The following DOLPP1 variants were observed in gnomAD, a reference collection of about 807,000 sequenced individuals.
The protein encoded by DOLPP1 is dolichyl pyrophosphate phosphatase 1.
In DOLPP1, 15 loss-of-function variants were observed where a neutral mutation model predicts 34.1. That is an observed-to-expected ratio of 0.44 (90% CI 0.29 to 0.68). DOLPP1 has a LOEUF of 0.68. DOLPP1 is among the 30% of genes least tolerant of loss of function. DOLPP1 has a pLI of 0.12. For missense variants in DOLPP1, 249 were observed against 307.1 expected, an observed-to-expected ratio of 0.81 and a Z score of 1.41; for synonymous variants, 130 against 128.2, an observed-to-expected ratio of 1.01 and a Z score of -0.10.
chr9:129,089,029 A>ACTG lies in DOLPP1; in HGVS notation c.*22_*23insCTG. ...GTGACCAGTGGGTGTGGCTGGGTCCAGCCTCCAGATCTGGCCCGCACGATG... is the reference window on the plus strand; with the variant it reads ...GTGACCAGTGGGTGTGGCTGGGTCCACTGGCCTCCAGATCTGGCCCGCACGATG... On this transcript the variant is annotated 3_prime_UTR_variant, in exon 8 of 8. Coordinates refer to ENST00000372546, the MANE Select transcript of DOLPP1 (RefSeq NM_020438.5). The surrounding 1 kb of genome is among the most constrained non-coding windows in gnomAD (Gnocchi z 4.9). 6.2e-7 allele frequency: 1 copy of ACTG among 1,613,694 alleles called. No individual in the cohort carries two copies. The highest frequency in any genetic ancestry group is 1.7e-4 in the Middle Eastern group (1 of 6,060).
chr9:129,081,582 G>C (rs1459773936), intron 1 of DOLPP1, among the ~76,000 whole-genome samples: 1 of 152,240 alleles, frequency 6.6e-6, no homozygotes, highest in Non-Finnish European at 1.5e-5. Flanking sequence ...TCCTGTTCCA[G>C]CGTGCAGGGA....
chr9:129,085,409 G>T lies in DOLPP1; in HGVS notation c.362+103G>T. 2 of 1,493,800 alleles carry T rather than the reference G, an allele frequency of 1.3e-6. No homozygotes were observed. Among genetic ancestry groups the T allele is most frequent in the Non-Finnish European group, 1.9e-6 (2 of 1,075,292 alleles). 92.5% of individuals were successfully genotyped at this position (1,493,800 alleles called of 1,614,324 possible). ...GGATGCCCCTGGGGTGGGAGGGGCT[G>T]CAGCGGAGGCAGAAGGTACCCAGGG... On this transcript the variant is annotated intron_variant, in intron 4 of 7. Coordinates refer to ENST00000372546, the MANE Select transcript of DOLPP1 (RefSeq NM_020438.5). This position sits in a 1 kb window ranked among gnomAD's most constrained non-coding sequence, Gnocchi z 7.0.
In DOLPP1 at chr9:129,090,138, T is replaced by C. The variant is rs1220777702; in HGVS notation, c.*1131T>C. ...AGTTTTGAGGACTGAACTGGGTCAC[T>C]CGGGATCTGTGTTCGAATCCTCCCC... On this transcript the variant is annotated 3_prime_UTR_variant, in exon 8 of 8. Transcript: ENST00000372546. 1 of 152,634 alleles carries C rather than the reference T, an allele frequency of 6.6e-6. No individual in the cohort carries two copies. Among genetic ancestry groups the C allele is most frequent in the Non-Finnish European group, 1.5e-5 (1 of 68,024 alleles). 9.5% of individuals were successfully genotyped at this position (152,634 alleles called of 1,614,324 possible). A position where few individuals can be genotyped will look rare whatever the true frequency, so the allele number is the denominator to read the frequency against.
In DOLPP1 at chr9:129,085,235, C is replaced by T. The variant is rs375808768; in HGVS notation, c.291C>T (p.Tyr97=). The T allele has an allele frequency of 1.3e-4, 217 of 1,614,096 alleles. 2 individuals are homozygous for T. The highest frequency in any genetic ancestry group is 4.2e-4 in the Admixed American group (25 of 60,026). Residue 97 remains tyrosine (Y), a synonymous_variant, in exon 4 of 8, where the codon TAC becomes TAT. Transcript: ENST00000372546. The surrounding 1 kb of genome is among the most constrained non-coding windows in gnomAD (Gnocchi z 7.0). ...CCCACACAGCAGTGGGCACCAAGTA[C>T]GGGATGCCCTCCAGCCATTCCCAGT... ...GGPHTAVGTK[Y]GMPSSHSQFM... is the part of the protein sequence containing the mutation.
chr9:129,089,191 A>G lies in DOLPP1; in HGVS notation c.*184A>G, dbSNP rs530545641. 5.5e-6 allele frequency: 3 copies of G among 544,960 alleles called. No individual in the cohort carries two copies. The South Asian group carries it at 7.2e-5, about 13-fold the overall frequency. The allele number at this position is 544,960 out of a possible 1,614,324, so 33.8% of individuals were successfully genotyped here. A position where few individuals can be genotyped will look rare whatever the true frequency, so the allele number is the denominator to read the frequency against. ...ACCAAAGGGCTGAACCAGCCCCTCA[A>G]CCAGGACCCTGGGGGGCCTGCTGCC... On this transcript the variant is annotated 3_prime_UTR_variant, in exon 8 of 8. Transcript: ENST00000372546. This position sits in a 1 kb window ranked among gnomAD's most constrained non-coding sequence, Gnocchi z 4.9.
At chr9:129,088,197 G>A (rs1847030370) in intron 7 of DOLPP1, among the ~76,000 whole-genome samples, 1 of 147,852 alleles carries the variant, frequency 6.8e-6, no homozygotes, top group African/African-American at 2.5e-5. Flanking sequence ...GTGTTGTGGG[G>A]GTTGGGGGAA....
At chr9:129,081,235 G>T (rs1247102744) in intron 1 of DOLPP1, 28 bp downstream of exon 1, 1 of 1,604,648 alleles carries the variant, frequency 6.2e-7, no homozygotes, top group Non-Finnish European at 8.5e-7. Context: ...CTCCAAGGAC[G>T]CCTTCCCAGG....
chr9:129,082,998 C>T lies in DOLPP1; in HGVS notation c.77-1670C>T, dbSNP rs187268248. On this transcript the variant is annotated intron_variant, in intron 1 of 7. Coordinates refer to ENST00000372546, the MANE Select transcript of DOLPP1 (RefSeq NM_020438.5). Reference sequence around the variant, plus strand: ...GGTTCTTAGTTGTTTGTTGAGTTCACCCAGAGAGCGTCCCAGGTGGGGGGA... The same window carrying T: ...GGTTCTTAGTTGTTTGTTGAGTTCATCCAGAGAGCGTCCCAGGTGGGGGGA... Among the ~76,000 whole-genome samples the T allele has an allele frequency of 3.3e-5, 5 of 152,222 alleles. No individual in the cohort carries two copies. In the South Asian group the frequency reaches 6.2e-4, roughly 19 times the overall value.
chr9:129,082,865 A>G (rs1250083389), intron 1 of DOLPP1, among the ~76,000 whole-genome samples: 1 of 152,214 alleles, frequency 6.6e-6, no homozygotes, highest in Non-Finnish European at 1.5e-5. Flanking sequence ...CTGTCCTGAT[A>G]TCTACATTAG....
At chr9:129,087,446 G>C (rs1416845587) in intron 7 of DOLPP1, among the ~76,000 whole-genome samples, 1 of 151,862 alleles carries the variant, frequency 6.6e-6, no homozygotes, top group African/African-American at 2.4e-5. Flanking sequence ...CTCCCGAGTA[G>C]CTGGGACTAC....
intron 7 of DOLPP1, 74 bp downstream of exon 7, chr9:129,086,872 C>T (rs979773862): frequency 1.7e-5 from 23 of 1,330,744 alleles, no homozygotes; most frequent in South Asian, 1.2e-4. Context: ...GAGGGCTCTC[C>T]GGGAGCCTCG....
Position 129,090,155 on chromosome 9 carries a change from A to G in DOLPP1, c.*1148A>G, listed in dbSNP as rs1466806654. ...TGGGTCACTCGGGATCTGTGTTCGA[A>G]TCCTCCCCACCCCTTTCTTTGTGGA... On this transcript the variant is annotated 3_prime_UTR_variant, in exon 8 of 8. Coordinates refer to ENST00000372546, the MANE Select transcript of DOLPP1 (RefSeq NM_020438.5). 1 of 152,570 alleles carries G rather than the reference A, an allele frequency of 6.6e-6. No homozygotes were observed. Among genetic ancestry groups the G allele is most frequent in the Non-Finnish European group, 1.5e-5 (1 of 68,034 alleles). The allele number at this position is 152,570 out of a possible 1,614,324, so 9.5% of individuals were successfully genotyped here.
At chr9:129,084,573 G>T in intron 1 of DOLPP1, 95 bp from the exon 2 acceptor site, 1 of 937,898 alleles carries the variant, frequency 1.1e-6, no homozygotes, top group South Asian at 1.3e-5. Context: ...GCCCTGCCGG[G>T]ACCTCCTTTC....
At chr9:129,082,546 C>G (rs1846909579) in intron 1 of DOLPP1, among the ~76,000 whole-genome samples, 1 of 152,172 alleles carries the variant, frequency 6.6e-6, no homozygotes, top group African/African-American at 2.4e-5. Flanking sequence ...TCACAGCTTC[C>G]CCTCCTGGCC....
Position 129,084,901 on chromosome 9 carries a change from G to T in DOLPP1, c.178-122G>T, listed in dbSNP as rs11564085. 10,336 of 1,291,422 alleles carry T rather than the reference G, an allele frequency of 8.0e-3. 667 individuals are homozygous for T. The African/African-American group carries it at 0.14, about 17-fold the overall frequency. 80.0% of individuals were successfully genotyped at this position (1,291,422 alleles called of 1,614,324 possible). A position where few individuals can be genotyped will look rare whatever the true frequency, so the allele number is the denominator to read the frequency against. ...TGTCTTGAGGTGCGTGGAGCCTCCT[G>T]GCTGGTTCTAGGTTACTCACCTGTT... On this transcript the variant is annotated intron_variant, in intron 2 of 7. Transcript: ENST00000372546.
At chr9:129,081,892 A>G (rs1846896432) in intron 1 of DOLPP1, among the ~76,000 whole-genome samples, 1 of 152,218 alleles carries the variant, frequency 6.6e-6, no homozygotes, top group Non-Finnish European at 1.5e-5. Flanking sequence ...CGTGGGGGTC[A>G]GACCCATCTG....
chr9:129,088,935 G>A lies in DOLPP1; in HGVS notation c.681-36G>A, dbSNP rs755503516. 2.5e-6 allele frequency: 4 copies of A among 1,612,044 alleles called. No individual in the cohort carries two copies. The East Asian group carries it at 8.9e-5, about 36-fold the overall frequency. ...GACAGCTGTAGGTCACTGAACACCA[G>A]ATGTCTCCACATCTGACCCCCATCC... On this transcript the variant is annotated intron_variant, in intron 7 of 7. Transcript: ENST00000372546.
intron 7 of DOLPP1, among the ~76,000 whole-genome samples, chr9:129,088,379 C>T (rs181343008): frequency 3.2e-4 from 48 of 152,094 alleles, no homozygotes. Flanking sequence ...TTAACTGGGA[C>T]CCTAGACAAA....
At chr9:129,081,264 G>T (rs2131412614) in intron 1 of DOLPP1, 57 bp downstream of exon 1, 1 of 1,595,672 alleles carries the variant, frequency 6.3e-7, no homozygotes, top group Non-Finnish European at 8.5e-7. Flanking sequence ...CTCAGTCCCG[G>T]GCGCTCCGGC....
Sources: allele counts gnomAD v4.1 joint callset (sites outside exome capture counted in the v4.1 genomes callset), GRCh38; gene constraint gnomAD v4.1.1; non-coding constraint Gnocchi (gnomAD v3.1); transcripts MANE v1.5; gene names NCBI Gene and HGNC (gene_info 2026-07-23, HGNC 2026-07-21).